The following TRPM6 variants were observed in gnomAD, a reference collection of about 807,000 sequenced individuals.
The protein encoded by TRPM6 is transient receptor potential cation channel subfamily M member 6.
In TRPM6, 111 loss-of-function variants were observed where a neutral mutation model predicts 247.6. The ratio of observed to expected loss-of-function variants is 0.45; its 90% CI spans 0.38 to 0.52. The LOEUF is 0.52. Among genes scored for constraint, TRPM6 ranks in the 20% least tolerant of loss-of-function variants. The pLI is 0.00. For missense variants in TRPM6, 2,126 were observed against 2,421.5 expected, an observed-to-expected ratio of 0.88 and a Z score of 2.56; for synonymous variants, 892 against 853.8, an observed-to-expected ratio of 1.04 and a Z score of -0.78.
At chr9:74,828,342 A>T (rs1385608572) in intron 6 of TRPM6, among the ~76,000 whole-genome samples, 1 of 151,256 alleles carries the variant, frequency 6.6e-6, no homozygotes, top group African/African-American at 2.4e-5. Flanking sequence ...ACAGAACGAG[A>T]CTCCGTCTCA....
chr9:74,757,563 C>CAA (rs1176496033), intron 27 of TRPM6, among the ~76,000 whole-genome samples: 34 of 54,008 alleles, frequency 6.3e-4, no homozygotes, highest in East Asian at 4.1e-3. Context: ...GAGACCCTGT[C>CAA]AAAAAAAAAA....
intron 3 of TRPM6, among the ~76,000 whole-genome samples, chr9:74,853,929 A>T (rs1246564201): frequency 1.3e-5 from 2 of 152,254 alleles, no homozygotes; most frequent in East Asian, 3.9e-4. Context: ...TTTTTAAAAG[A>T]TAAATAAAGT....
At chr9:74,738,299 C>T in intron 36 of TRPM6, 108 bp downstream of exon 36, 4 of 1,154,926 alleles carry the variant, frequency 3.5e-6, no homozygotes, top group East Asian at 2.4e-5. Flanking sequence ...GCCCACCTCC[C>T]TTCAAAGCTA....
At chr9:74,759,493 A>T (rs1192662158) in intron 27 of TRPM6, among the ~76,000 whole-genome samples, 1 of 152,162 alleles carries the variant, frequency 6.6e-6, no homozygotes, top group Non-Finnish European at 1.5e-5. Context: ...TATTATTGTT[A>T]ATATGGTCAA....
intron 18 of TRPM6, among the ~76,000 whole-genome samples, chr9:74,795,408 T>C (rs1331763373): frequency 6.6e-6 from 1 of 152,200 alleles, no homozygotes; most frequent in Non-Finnish European, 1.5e-5. Context: ...CTAGCCTCAA[T>C]CTACTTTCCA....
chr9:74,740,032 G>A (rs770122623), intron 33 of TRPM6, 23 bp from the exon 34 acceptor site: 16 of 1,611,964 alleles, frequency 9.9e-6, no homozygotes, highest in African/African-American at 1.3e-5. Context: ...GTGAAGGCTA[G>A]GAATTCAATA....
intron 3 of TRPM6, among the ~76,000 whole-genome samples, chr9:74,843,006 C>T (rs1315362951): frequency 6.6e-6 from 1 of 152,186 alleles, no homozygotes. Flanking sequence ...TAGCATTTTA[C>T]CCACAGTAGA....
Position 74,747,912 on chromosome 9 carries a change from A to G in TRPM6, c.5060T>C (p.Leu1687Pro). 1.2e-6 allele frequency: 2 copies of G among 1,611,848 alleles called. No individual in the cohort carries two copies. Among genetic ancestry groups the G allele is most frequent in the Non-Finnish European group, 1.7e-6 (2 of 1,178,820 alleles). Residue 1687 changes from leucine to proline, a missense_variant and splice_region_variant, in exon 31 of 39, where the codon CTG becomes CCG. By Grantham distance (98) the Leu-to-Pro change is moderately conservative. Around this residue, in one of 3 missense-constraint regions of TRPM6, gnomAD observed 717 missense variants for 715.9 expected, o/e 1.00. Transcript: ENST00000360774. ...ACTGTCAACTCCAATTGAACTTTTC[A>G]GCCTGTTTGAAAAAAAAATGAAGTT... Reference protein sequence around the residue: ...RSTNLNRNSLLKSSIGVDKIS... With the variant: ...RSTNLNRNSLPKSSIGVDKIS...
intron 18 of TRPM6, among the ~76,000 whole-genome samples, chr9:74,796,246 C>T (rs551660402): frequency 1.3e-5 from 2 of 152,294 alleles, no homozygotes; most frequent in East Asian, 3.9e-4. Context: ...ACTTGAAACA[C>T]TTTTTCAATA....
chr9:74,858,928 C>G (rs1830611309), intron 1 of TRPM6, among the ~76,000 whole-genome samples, 180 bp from the exon 2 acceptor site: 1 of 152,152 alleles, frequency 6.6e-6, no homozygotes. Context: ...CACAAATAAG[C>G]CAAATGTGAA....
At chr9:74,863,292 C>A (rs1007435212) in intron 1 of TRPM6, among the ~76,000 whole-genome samples, 1 of 151,918 alleles carries the variant, frequency 6.6e-6, no homozygotes, top group Non-Finnish European at 1.5e-5. Context: ...AGTGATCCAC[C>A]CGCCTCGGCC....
chr9:74,874,759 A>G (rs956737919), intron 1 of TRPM6, among the ~76,000 whole-genome samples: 2 of 143,194 alleles, frequency 1.4e-5, no homozygotes, highest in East Asian at 2.1e-4. Context: ...TTGTAATTGT[A>G]TTTTTTTTTT....
At chr9:74,735,965 A>C (rs1825681743) in intron 36 of TRPM6, among the ~76,000 whole-genome samples, 1 of 152,224 alleles carries the variant, frequency 6.6e-6, no homozygotes. Flanking sequence ...ACCACAGCAC[A>C]CTGAGCAGGG....
rs1826667416 is a variant in TRPM6 at position 74,762,163 on chromosome 9, G to A, written c.4508C>T (p.Ser1503Leu). Residue 1503 changes from serine to leucine, a missense_variant, in exon 26 of 39, where the codon TCA (serine) becomes TTA (leucine). This residue lies in a region of TRPM6 where 717 missense variants were observed against 715.9 expected (regional missense o/e 1.00). Coordinates refer to ENST00000360774, the MANE Select transcript of TRPM6 (RefSeq NM_017662.5). ...TTCACTACTCTGGGCCGATCTTGTT[G>A]AGTTATCAGATAGGGAGCTGTCCTG... ...QAQDSSLSDN[S>L]TRSAQSSECS... The A allele has an allele frequency of 6.2e-7, 1 of 1,614,192 alleles. No individual in the cohort carries two copies. Among genetic ancestry groups the A allele is most frequent in the Non-Finnish European group, 8.5e-7 (1 of 1,180,016 alleles).
chr9:74,771,155 C>CCTGCCTCGCCCA (rs1443353324), intron 25 of TRPM6, among the ~76,000 whole-genome samples: 1 of 152,182 alleles, frequency 6.6e-6, no homozygotes, highest in Non-Finnish European at 1.5e-5. Flanking sequence ...ACCAGACGCC[C>CCTGCCTCGCCCA]CTGCCTCGCC....
intron 23 of TRPM6, 145 bp downstream of exon 23, chr9:74,782,217 T>C (rs978804952): frequency 1.3e-5 from 8 of 628,702 alleles, no homozygotes; most frequent in Non-Finnish European, 2.0e-5. Context: ...TTATCAGTAG[T>C]TTTATGTGCA....
chr9:74,794,379 T>G (rs1218691406), intron 18 of TRPM6, among the ~76,000 whole-genome samples: 1 of 152,150 alleles, frequency 6.6e-6, no homozygotes, highest in Non-Finnish European at 1.5e-5. Flanking sequence ...TTTTAAGGCC[T>G]CGGGCATCTA....
chr9:74,823,490 G>A (rs965101987), intron 7 of TRPM6, among the ~76,000 whole-genome samples: 2 of 152,158 alleles, frequency 1.3e-5, no homozygotes, highest in Non-Finnish European at 1.5e-5. Context: ...TTAGGGATGG[G>A]TCAGTTAGCA....
chr9:74,816,957 AT>A lies in TRPM6; in HGVS notation c.1141del (p.Ile381TyrfsTer14). ...CTGCTCTTCAGAGTCAGCATCAAAT[AT>A]GGTAATCTACAACAGTGAAAAACAG... is the stretch of plus-strand genomic sequence containing the variant. The part of the protein sequence containing the change: ...ECMVHRDCIT[I>X]FDADSEEQQD... On this transcript the variant is annotated frameshift_variant, in exon 10 of 39. Transcript: ENST00000360774. LOFTEE classifies it high-confidence loss of function. 6.2e-7 allele frequency: 1 copy of A among 1,613,822 alleles called. No homozygotes were observed. Among genetic ancestry groups the A allele is most frequent in the Non-Finnish European group, 8.5e-7 (1 of 1,179,768 alleles).
Sources: allele counts gnomAD v4.1 joint callset (sites outside exome capture counted in the v4.1 genomes callset), GRCh38; gene constraint gnomAD v4.1.1; regional missense constraint gnomAD v4.1.1; transcripts MANE v1.5; gene names NCBI Gene and HGNC (gene_info 2026-07-23, HGNC 2026-07-21).